Variants in GRIK4 observed in about 807,000 individuals in gnomAD.
GRIK4 encodes the protein glutamate receptor ionotropic, kainate 4.
Under a neutral mutation model 104.9 loss-of-function variants are expected in GRIK4, and 40 were observed. The ratio of observed to expected loss-of-function variants is 0.38; its 90% CI spans 0.30 to 0.50. The LOEUF is 0.50. Among genes scored for constraint, GRIK4 ranks in the 20% least tolerant of loss-of-function variants. The pLI is 0.93. For synonymous variants in GRIK4, 485 were observed against 524.9 expected, an observed-to-expected ratio of 0.92 and a Z score of 1.04; for missense variants, 1,047 against 1,308.1, an observed-to-expected ratio of 0.80 and a Z score of 3.08.
Position 120,965,665 on chromosome 11 carries a change from C to A in GRIK4, c.2267-1530C>A, listed in dbSNP as rs540178045. On this transcript the variant is annotated intron_variant, in intron 18 of 20. Transcript: ENST00000527524. ...GTTCTACTGTGGAGCTGTGGACTGT[C>A]ACAGTTGGAAGAGATCTGGGAGATG... Among the ~76,000 whole-genome samples the A allele has an allele frequency of 3.9e-5, 6 of 152,264 alleles. No individual in the cohort carries two copies. In the South Asian group the frequency reaches 1.2e-3, roughly 32 times the overall value.
intron 8 of GRIK4, among the ~76,000 whole-genome samples, chr11:120,856,540 C>T (rs1472885440): frequency 6.6e-6 from 1 of 152,148 alleles, no homozygotes; most frequent in East Asian, 1.9e-4. Context: ...ACAGAATTGG[C>T]AGTTGACTGG....
At chr11:120,540,483 G>A (rs1948022045) in intron 1 of GRIK4, among the ~76,000 whole-genome samples, 1 of 152,048 alleles carries the variant, frequency 6.6e-6, no homozygotes, top group Non-Finnish European at 1.5e-5. Context: ...GCATGGTGGT[G>A]CGCACCTGTA....
intron 1 of GRIK4, among the ~76,000 whole-genome samples, chr11:120,554,136 G>C (rs1178630655): frequency 1.3e-5 from 2 of 152,076 alleles, no homozygotes; most frequent in Non-Finnish European, 2.9e-5. Context: ...CACCCATAAG[G>C]CTGCCTAAGT....
At chr11:120,577,466 G>A (rs1005459240) in intron 1 of GRIK4, among the ~76,000 whole-genome samples, 1 of 152,072 alleles carries the variant, frequency 6.6e-6, no homozygotes, top group Non-Finnish European at 1.5e-5. Context: ...CATCTCGGGG[G>A]GTTCGTCTTT....
At chr11:120,870,990 C>G (rs1244959761) in intron 9 of GRIK4, 2 of 152,798 alleles carry the variant, frequency 1.3e-5, no homozygotes, top group African/African-American at 4.8e-5. Context: ...CAAAGTGATC[C>G]ACCTGCCTCG....
intron 19 of GRIK4, among the ~76,000 whole-genome samples, chr11:120,976,564 G>A (rs1944564256): frequency 6.6e-6 from 1 of 152,230 alleles, no homozygotes; most frequent in South Asian, 2.1e-4. Flanking sequence ...AATAGAAAGT[G>A]CTTGAAAGCC....
chr11:120,942,440 G>A (rs1018289135), intron 14 of GRIK4, among the ~76,000 whole-genome samples: 1 of 152,166 alleles, frequency 6.6e-6, no homozygotes. Flanking sequence ...TGTGGCTTGT[G>A]GTAGCCACTC....
At chr11:120,849,777 T>C (rs1394261327) in intron 8 of GRIK4, among the ~76,000 whole-genome samples, 2 of 152,260 alleles carry the variant, frequency 1.3e-5, no homozygotes, top group Non-Finnish European at 2.9e-5. Context: ...TTTTCTGTGC[T>C]CTATTGGTTT....
chr11:120,985,999 GC>G lies in GRIK4; in HGVS notation c.2614del (p.Arg872GlyfsTer183). 6.5e-7 allele frequency: 1 copy of G among 1,530,208 alleles called. No individual in the cohort carries two copies. Among genetic ancestry groups the G allele is most frequent in the Non-Finnish European group, 8.8e-7 (1 of 1,139,222 alleles). 94.8% of individuals were successfully genotyped at this position (1,530,208 alleles called of 1,614,324 possible). On this transcript the variant is annotated frameshift_variant, in exon 21 of 21. Transcript: ENST00000527524. LOFTEE classifies it high-confidence loss of function. The stretch of plus-strand genomic sequence containing the variant: ...GCCGGCGGCGCGCCGCAGTCCCGCC[GC>G]CCCGGCCCCCCATCCCCGAGGAGCG... ...PRRRRAAVPP[P>X]RPPIPEERRP... is the part of the protein sequence containing the mutation.
chr11:120,727,608 C>G (rs1252882580), intron 3 of GRIK4, among the ~76,000 whole-genome samples: 1 of 151,732 alleles, frequency 6.6e-6, no homozygotes, highest in Non-Finnish European at 1.5e-5. Context: ...AACTCATGCT[C>G]AGAAAAGCAG....
intron 3 of GRIK4, among the ~76,000 whole-genome samples, chr11:120,780,001 C>G (rs919633091): frequency 6.6e-6 from 1 of 152,126 alleles, no homozygotes; most frequent in Non-Finnish European, 1.5e-5. Context: ...AAGTGCCAGA[C>G]AATGAGGAGG....
intron 3 of GRIK4, among the ~76,000 whole-genome samples, chr11:120,707,262 T>G (rs1017666578): frequency 5.9e-5 from 9 of 152,128 alleles, no homozygotes; most frequent in African/African-American, 2.2e-4. Flanking sequence ...GAGCCATCGA[T>G]GTATCAGTGT....
At position 120,660,410 on chromosome 11, in the gene GRIK4, GC is replaced by G; in HGVS notation, c.82+13del. On this transcript the variant is annotated intron_variant, in intron 3 of 20. Transcript: ENST00000527524. ...CACTCCTTGAGGATCGGTAAGTGTGGCCCAGCTTGGGGCAGTGCCCCCACCC... is the reference window on the plus strand; with the variant it reads ...CACTCCTTGAGGATCGGTAAGTGTGGCCAGCTTGGGGCAGTGCCCCCACCC... 6.2e-7 allele frequency: 1 copy of G among 1,603,290 alleles called. No homozygotes were observed. The highest frequency in any genetic ancestry group is 8.5e-7 in the Non-Finnish European group (1 of 1,172,410).
intron 12 of GRIK4, among the ~76,000 whole-genome samples, chr11:120,901,087 G>A (rs563056248): frequency 6.6e-6 from 1 of 152,306 alleles, no homozygotes; most frequent in East Asian, 1.9e-4. Flanking sequence ...TCCATACTCT[G>A]CTGGCAGGCT....
In GRIK4 at chr11:120,860,899, C is replaced by A. The variant is rs188284402; in HGVS notation, c.745-1060C>A. Among the ~76,000 whole-genome samples the A allele has an allele frequency of 3.9e-5, 6 of 152,204 alleles. No individual in the cohort carries two copies. In the East Asian group the frequency reaches 1.2e-3, roughly 29 times the overall value. On this transcript the variant is annotated intron_variant, in intron 8 of 20. Transcript: ENST00000527524. The stretch of plus-strand genomic sequence containing the variant: ...CATTCCCAAGCCTGGCATCCTGACT[C>A]TTATGGTCTGGTCTCTGCTGACTGC...
At chr11:120,723,792 G>GT (rs35695505) in intron 3 of GRIK4, among the ~76,000 whole-genome samples, 70,896 of 150,276 alleles carry the variant, frequency 0.47, 16,999 homozygotes, top group Middle Eastern at 0.53. Context: ...GGTAGCACCT[G>GT]TTTTTTTTTT....
intron 1 of GRIK4, among the ~76,000 whole-genome samples, chr11:120,530,707 G>A (rs1038639808): frequency 9.2e-5 from 14 of 152,294 alleles, no homozygotes; most frequent in African/African-American, 2.9e-4. Context: ...ATGGGGTTCA[G>A]AGGCCTAAGA....
chr11:120,824,756 G>T (rs2135551952), intron 6 of GRIK4, among the ~76,000 whole-genome samples: 1 of 151,990 alleles, frequency 6.6e-6, no homozygotes, highest in East Asian at 1.9e-4. Context: ...CACCATGTTG[G>T]CCAGGCTGGT....
At chr11:120,743,310 A>G (rs1233773816) in intron 3 of GRIK4, among the ~76,000 whole-genome samples, 2 of 152,140 alleles carry the variant, frequency 1.3e-5, no homozygotes, top group Non-Finnish European at 2.9e-5. Context: ...TGCTCAGCAA[A>G]CAAATGCAGG....
Sources: allele counts gnomAD v4.1 joint callset (sites outside exome capture counted in the v4.1 genomes callset), GRCh38; gene constraint gnomAD v4.1.1; transcripts MANE v1.5; gene names NCBI Gene and HGNC (gene_info 2026-07-23, HGNC 2026-07-21).